FRMD4A: variants seen among roughly 807,000 people sequenced by gnomAD.
FRMD4A encodes the protein FERM domain-containing protein 4A.
FRMD4A carries 29 observed loss-of-function variants against 129.1 expected under a neutral mutation model. The ratio of observed to expected loss-of-function variants is 0.22; its 90% CI spans 0.17 to 0.31. The LOEUF is 0.31. Among genes scored for constraint, FRMD4A ranks in the 10% least tolerant of loss-of-function variants. FRMD4A has a pLI of 1.00. For missense variants in FRMD4A, 1,272 were observed against 1,375.8 expected, an observed-to-expected ratio of 0.92 and a Z score of 1.19; for synonymous variants, 634 against 571.6, an observed-to-expected ratio of 1.11 and a Z score of -1.56.
At chr10:14,211,972 T>G (rs1842944727) in intron 2 of FRMD4A, among the ~76,000 whole-genome samples, 1 of 152,174 alleles carries the variant, frequency 6.6e-6, no homozygotes. Flanking sequence ...GATGGAGACC[T>G]GTGTGGTGTA....
chr10:14,261,473 C>T (rs1454816349), intron 2 of FRMD4A, among the ~76,000 whole-genome samples: 1 of 152,184 alleles, frequency 6.6e-6, no homozygotes, highest in Non-Finnish European at 1.5e-5. Flanking sequence ...TCTAACGCTT[C>T]TTCTTCTCTG....
rs183104556 is a variant in FRMD4A at position 13,861,533 on chromosome 10, A to C, written c.46-2621T>G. 9.2e-4 allele frequency among the ~76,000 whole-genome samples: 140 copies of C among 152,358 alleles called. 1 individual carries two copies. Among genetic ancestry groups the C allele is most frequent in the Admixed American group, 2.1e-3 (32 of 15,306 alleles). ...GCAGCCCCCAGCTCTGAGAAAAATCAAGAAAAGTTTCACATACTCCTAAAC... is the reference window on the plus strand; with the variant it reads ...GCAGCCCCCAGCTCTGAGAAAAATCCAGAAAAGTTTCACATACTCCTAAAC... On this transcript the variant is annotated intron_variant, in intron 2 of 24. Coordinates refer to ENST00000357447, the MANE Select transcript of FRMD4A (RefSeq NM_018027.5).
intron 4 of FRMD4A, among the ~76,000 whole-genome samples, chr10:13,805,634 T>A (rs377583258): frequency 2.6e-5 from 4 of 152,336 alleles, no homozygotes; most frequent in African/African-American, 9.6e-5. Context: ...TAGCTTCTGA[T>A]AACGGGATCT....
At chr10:13,830,715 T>C (rs1478670566) in intron 3 of FRMD4A, among the ~76,000 whole-genome samples, 1 of 152,094 alleles carries the variant, frequency 6.6e-6, no homozygotes, top group Non-Finnish European at 1.5e-5. Flanking sequence ...AGCCTGACCA[T>C]GTATGTTCAT....
intron 2 of FRMD4A, among the ~76,000 whole-genome samples, chr10:14,062,598 G>A (rs781488875): frequency 6.6e-6 from 1 of 152,240 alleles, no homozygotes; most frequent in Non-Finnish European, 1.5e-5. Flanking sequence ...ACCATCTCTT[G>A]TGAGACAGTG....
rs551011444 is a variant in FRMD4A, at chr10:13,904,992, C to CAAAGAAAAAAA, written c.46-46081_46-46080insTTTTTTTCTTT. ...TGGGCGACAGAGTGAGACTCTATCTCAAAAAAAAAAAAAAAAAAGAAAAGA... is the reference window on the plus strand; with the variant it reads ...TGGGCGACAGAGTGAGACTCTATCTCAAAGAAAAAAAAAAAAAAAAAAAAAAAAAGAAAAGA... On this transcript the variant is annotated intron_variant, in intron 2 of 24. Coordinates refer to ENST00000357447, the MANE Select transcript of FRMD4A (RefSeq NM_018027.5). 1.4e-4 allele frequency among the ~76,000 whole-genome samples: 15 copies of CAAAGAAAAAAA among 109,398 alleles called. 5 individuals are homozygous for CAAAGAAAAAAA. The highest frequency in any genetic ancestry group is 5.1e-4 in the East Asian group (2 of 3,934). The allele number at this position is 109,398 out of a possible 152,430, so 71.8% of individuals were successfully genotyped here.
At chr10:13,917,945 G>A (rs1327961298) in intron 2 of FRMD4A, among the ~76,000 whole-genome samples, 2 of 152,198 alleles carry the variant, frequency 1.3e-5, no homozygotes, top group African/African-American at 4.8e-5. Flanking sequence ...AGGATGTGGT[G>A]TGGGCAAGCG....
At chr10:13,993,840 GTT>G (rs59181140) in intron 2 of FRMD4A, among the ~76,000 whole-genome samples, 43,137 of 149,316 alleles carry the variant, frequency 0.29, 7,255 homozygotes, top group East Asian at 0.73. Flanking sequence ...GTCAGAATAG[GTT>G]TTTTTTTTTT....
At chr10:13,806,478 TGGAAGCTAGAAG>T (rs1472676841) in intron 4 of FRMD4A, among the ~76,000 whole-genome samples, 1 of 152,184 alleles carries the variant, frequency 6.6e-6, no homozygotes, top group East Asian at 1.9e-4. Context: ...CTGTTAGGAA[TGGAAGCTAGAAG>T]GGAGATGGTC....
intron 2 of FRMD4A, among the ~76,000 whole-genome samples, chr10:14,122,257 A>G (rs1838567293): frequency 6.6e-6 from 1 of 152,180 alleles, no homozygotes; most frequent in Non-Finnish European, 1.5e-5. Context: ...ATCAATTACA[A>G]CAAGACTGAC....
At chr10:13,846,469 C>T (rs2094047514) in intron 3 of FRMD4A, among the ~76,000 whole-genome samples, 1 of 152,174 alleles carries the variant, frequency 6.6e-6, no homozygotes. Context: ...GGGGTTCAGA[C>T]CTTCTCCATG....
At chr10:14,137,255 C>G (rs982914182) in intron 2 of FRMD4A, among the ~76,000 whole-genome samples, 3 of 152,204 alleles carry the variant, frequency 2.0e-5, no homozygotes, top group Non-Finnish European at 4.4e-5. Flanking sequence ...GGGAATAACT[C>G]CCCCTTGCCC....
At chr10:13,927,207 C>T (rs12251980) in intron 2 of FRMD4A, among the ~76,000 whole-genome samples, 2,547 of 151,488 alleles carry the variant, frequency 0.017, 80 homozygotes, top group African/African-American at 0.058. Flanking sequence ...GAGCTGAGAT[C>T]GTGCCACTGC....
intron 3 of FRMD4A, among the ~76,000 whole-genome samples, chr10:13,824,210 T>A: frequency 6.6e-6 from 1 of 150,796 alleles, no homozygotes; most frequent in East Asian, 1.9e-4. Flanking sequence ...GGGTGCGGTG[T>A]CTCCCGCCTG....
At chr10:13,885,208 G>A (rs1404461888) in intron 2 of FRMD4A, among the ~76,000 whole-genome samples, 1 of 152,206 alleles carries the variant, frequency 6.6e-6, no homozygotes, top group African/African-American at 2.4e-5. Context: ...AACATAGCAA[G>A]ATCCCATCTC....
At chr10:14,110,659 A>C (rs1219273067) in intron 2 of FRMD4A, among the ~76,000 whole-genome samples, 1 of 152,052 alleles carries the variant, frequency 6.6e-6, no homozygotes, top group Non-Finnish European at 1.5e-5. Context: ...AAACAAAACA[A>C]AACAAAAACC....
chr10:13,700,340 G>A (rs1480853571), intron 14 of FRMD4A, among the ~76,000 whole-genome samples: 3 of 151,882 alleles, frequency 2.0e-5, no homozygotes, highest in Admixed American at 6.6e-5. Flanking sequence ...CTTAAAATAT[G>A]GATAAGATGG....
At chr10:14,218,444 C>T (rs1241854607) in intron 2 of FRMD4A, among the ~76,000 whole-genome samples, 2 of 152,210 alleles carry the variant, frequency 1.3e-5, no homozygotes, top group African/African-American at 2.4e-5. Flanking sequence ...TAAAAATCAT[C>T]ATAATCCCTT....
chr10:14,080,867 G>A (rs11258854), intron 2 of FRMD4A, among the ~76,000 whole-genome samples: 2,570 of 151,500 alleles, frequency 0.017, 25 homozygotes, highest in South Asian at 0.029. Context: ...AGATAAATTC[G>A]TCAAGTAGAA....
Sources: gnomAD v4.1 joint callset for allele counts (sites outside exome capture counted in the v4.1 genomes callset) on GRCh38, gnomAD v4.1.1 for gene constraint, MANE v1.5 for transcripts, NCBI Gene and HGNC (gene_info 2026-07-23, HGNC 2026-07-21) for gene names.